BBX: variants seen among roughly 807,000 people sequenced by gnomAD.
BBX encodes BBX high mobility group box domain containing.
BBX carries 30 observed loss-of-function variants against 100.2 expected under a neutral mutation model. The ratio of observed to expected loss-of-function variants is 0.30; its 90% CI spans 0.22 to 0.41. The LOEUF (loss-of-function observed/expected upper bound fraction) is 0.41. Ranked by LOEUF, BBX falls within the 10% of genes least tolerant of loss-of-function variation. BBX has a pLI of 1.00. For synonymous variants in BBX, 376 were observed against 388.1 expected (o/e 0.97, Z 0.37); for missense variants, 1,023 against 1,129.8 (o/e 0.91, Z 1.35).
At chr3:107,800,238 C>T (rs2070288626) in intron 16 of BBX, among the ~76,000 whole-genome samples, 2 of 152,304 alleles carry the variant, frequency 1.3e-5, no homozygotes, top group South Asian at 2.1e-4. Flanking sequence ...AGTCCCCTCC[C>T]TCCTTTTCTG....
intron 2 of BBX, among the ~76,000 whole-genome samples, chr3:107,583,541 A>T (rs2052440249): frequency 6.6e-6 from 1 of 151,942 alleles, no homozygotes; most frequent in Non-Finnish European, 1.5e-5. Flanking sequence ...ATAGTATGTA[A>T]TGATCAAATC....
intron 2 of BBX, among the ~76,000 whole-genome samples, chr3:107,584,491 A>G (rs1448518649): frequency 1.3e-5 from 2 of 150,434 alleles, no homozygotes; most frequent in East Asian, 3.9e-4. Flanking sequence ...CCCTAACGTT[A>G]CACTGTAATG....
At position 107,774,743 on chromosome 3, in the gene BBX, A is replaced by C; in HGVS notation, c.1940A>C (p.Asn647Thr). 1 of 1,613,280 alleles carries C rather than the reference A, an allele frequency of 6.2e-7. No homozygotes were observed. Among genetic ancestry groups the C allele is most frequent in the Non-Finnish European group, 8.5e-7 (1 of 1,179,512 alleles). The change falls in exon 12 of 18, where the codon AAC becomes ACC. Residue 647 changes from asparagine to threonine, a missense_variant. Asn to Thr is a moderately conservative substitution (Grantham distance 65, BLOSUM62 0). Around this residue, in one of 9 missense-constraint regions of BBX, gnomAD observed 215 missense variants for 211.3 expected, o/e 1.02. Coordinates refer to ENST00000325805, the MANE Select transcript of BBX (RefSeq NM_001142568.3). ...DRGKRSSGKG[N>T]SSDHEGCWNE... ...GGAAAACGAAGCTCAGGAAAAGGAA[A>C]CTCCTCTGATCATGAAGGGTGTTGG...
intron 3 of BBX, chr3:107,677,358 A>G (rs917065984): frequency 6.6e-6 from 1 of 152,148 alleles, no homozygotes; most frequent in African/African-American, 2.4e-5. Flanking sequence ...GTTCTTTTAA[A>G]GTTCTAAGAA....
At chr3:107,659,568 A>G in intron 3 of BBX, 1 of 317,068 alleles carries the variant, frequency 3.2e-6, no homozygotes, top group Non-Finnish European at 6.0e-6. Context: ...CATTTTTTAG[A>G]TGGGGAAACT....
intron 15 of BBX, among the ~76,000 whole-genome samples, chr3:107,795,096 A>G (rs2069475548): frequency 6.6e-6 from 1 of 152,234 alleles, no homozygotes; most frequent in African/African-American, 2.4e-5. Flanking sequence ...TTTTGGAGCC[A>G]CAAAGCCTTT....
intron 2 of BBX, among the ~76,000 whole-genome samples, chr3:107,625,073 T>G (rs896894039): frequency 6.6e-6 from 1 of 152,228 alleles, no homozygotes; most frequent in Non-Finnish European, 1.5e-5. Context: ...AGAGAGTTGC[T>G]GGACAACTTT....
At chr3:107,732,833 T>G (rs1412296915) in intron 6 of BBX, 123 bp from the exon 7 acceptor site, 3 of 780,002 alleles carry the variant, frequency 3.8e-6, no homozygotes, top group Non-Finnish European at 6.1e-6. Context: ...AAAGTTTTTA[T>G]AAAAAGTTAT....
chr3:107,552,965 C>A (rs1416311671), intron 2 of BBX, among the ~76,000 whole-genome samples: 1 of 152,126 alleles, frequency 6.6e-6, no homozygotes. Context: ...ATTTTACCCA[C>A]CCTTTAAATG....
intron 2 of BBX, among the ~76,000 whole-genome samples, chr3:107,607,107 T>C (rs2054504775): frequency 6.6e-6 from 1 of 152,162 alleles, no homozygotes. Flanking sequence ...TCTTATTCTT[T>C]TTTTTTTGAG....
intron 13 of BBX, among the ~76,000 whole-genome samples, chr3:107,779,759 C>T (rs1464297774): frequency 6.6e-6 from 1 of 151,884 alleles, no homozygotes; most frequent in Non-Finnish European, 1.5e-5. Flanking sequence ...CTGGAGAAAC[C>T]TGAACCTTTC....
At chr3:107,552,331 A>T (rs1289402834) in intron 2 of BBX, among the ~76,000 whole-genome samples, 1 of 144,556 alleles carries the variant, frequency 6.9e-6, no homozygotes, top group Non-Finnish European at 1.5e-5. Flanking sequence ...GGGCAACAGA[A>T]GAAACCCTGT....
chr3:107,733,146 C>A (rs1174739759), intron 7 of BBX, 123 bp downstream of exon 7: 2 of 825,558 alleles, frequency 2.4e-6, no homozygotes, highest in African/African-American at 3.5e-5. Context: ...ACTTTATAAT[C>A]TTTCTCTTTA....
At chr3:107,603,042 C>T (rs918055156) in intron 2 of BBX, among the ~76,000 whole-genome samples, 1 of 152,144 alleles carries the variant, frequency 6.6e-6, no homozygotes, top group African/African-American at 2.4e-5. Context: ...CAGCTCACTG[C>T]AAGCTCCACC....
At chr3:107,539,137 C>T (rs973191497) in intron 2 of BBX, among the ~76,000 whole-genome samples, 3 of 151,956 alleles carry the variant, frequency 2.0e-5, no homozygotes, top group African/African-American at 7.3e-5. Context: ...ATAATAATGT[C>T]CTTTATCATA....
intron 2 of BBX, among the ~76,000 whole-genome samples, chr3:107,544,627 T>C (rs2049082748): frequency 6.6e-6 from 1 of 152,064 alleles, no homozygotes; most frequent in Non-Finnish European, 1.5e-5. Flanking sequence ...CCCAGCACTT[T>C]GGGAAGGCCA....
chr3:107,811,069 T>C lies in BBX; in HGVS notation c.*5612T>C, dbSNP rs1447654517. ...AATATACACATTTATATAATTTCTTTCTTCAAAATCTTATACCTAATTTGA... is the reference window on the plus strand; with the variant it reads ...AATATACACATTTATATAATTTCTTCCTTCAAAATCTTATACCTAATTTGA... On this transcript the variant is annotated 3_prime_UTR_variant, in exon 18 of 18. Transcript: ENST00000325805. 1 of 152,238 alleles carries C rather than the reference T, an allele frequency of 6.6e-6. No individual in the cohort carries two copies. Among genetic ancestry groups the C allele is most frequent in the Non-Finnish European group, 1.5e-5 (1 of 68,042 alleles). 9.4% of individuals were successfully genotyped at this position (152,238 alleles called of 1,614,324 possible).
At chr3:107,650,995 G>A (rs1267329328) in intron 3 of BBX, among the ~76,000 whole-genome samples, 1 of 152,098 alleles carries the variant, frequency 6.6e-6, no homozygotes, top group Non-Finnish European at 1.5e-5. Flanking sequence ...TGTAGGCAGC[G>A]AGCTCTAGTG....
At chr3:107,616,426 G>A (rs1272094186) in intron 2 of BBX, among the ~76,000 whole-genome samples, 1 of 149,368 alleles carries the variant, frequency 6.7e-6, no homozygotes, top group Non-Finnish European at 1.5e-5. Flanking sequence ...TGCATATTCA[G>A]TTTTTGTTTT....
Sources: gnomAD v4.1 joint callset for allele counts (sites outside exome capture counted in the v4.1 genomes callset) on GRCh38, gnomAD v4.1.1 for gene constraint, gnomAD v4.1.1 regional missense constraint, MANE v1.5 for transcripts, NCBI Gene and HGNC (gene_info 2026-07-23, HGNC 2026-07-21) for gene names.